Variants in TRAPPC9 observed in about 807,000 individuals in gnomAD.
TRAPPC9 encodes trafficking protein particle complex subunit 9, also known as IKK2 binding protein.
A neutral mutation model predicts 124.0 loss-of-function variants in TRAPPC9; 83 were observed. The observed-to-expected ratio is 0.67, with a 90% confidence interval of 0.56 to 0.80. The LOEUF is 0.80. TRAPPC9 is among the 30% of genes least tolerant of loss of function. The pLI, the probability that TRAPPC9 is intolerant of heterozygous loss-of-function variation, is 0.00. For missense variants in TRAPPC9, 1,302 were observed against 1,508.3 expected, an observed-to-expected ratio of 0.86 and a Z score of 2.27; for synonymous variants, 638 against 617.5, an observed-to-expected ratio of 1.03 and a Z score of -0.49.
At chr8:139,751,320 C>A (rs571441494) in intron 21 of TRAPPC9, among the ~76,000 whole-genome samples, 2 of 152,154 alleles carry the variant, frequency 1.3e-5, no homozygotes, top group Admixed American at 6.5e-5. Context: ...AGGGGCCAGG[C>A]CCACAGCACC....
At chr8:139,979,639 C>A (rs1378822124) in intron 19 of TRAPPC9, among the ~76,000 whole-genome samples, 2 of 152,124 alleles carry the variant, frequency 1.3e-5, no homozygotes, top group African/African-American at 2.4e-5. Context: ...AGTCTACGAA[C>A]CTCTAGTACA....
intron 10 of TRAPPC9, among the ~76,000 whole-genome samples, chr8:140,307,429 T>C (rs965236353): frequency 3.9e-5 from 6 of 152,198 alleles, no homozygotes; most frequent in Non-Finnish European, 5.9e-5. Flanking sequence ...TACAAAATAT[T>C]CTAAGGGATC....
rs949630626 is a variant in TRAPPC9, at chr8:140,190,671, A to G, written c.2556+30788T>C. Among the ~76,000 whole-genome samples the G allele has an allele frequency of 5.3e-5, 8 of 152,290 alleles. No individual in the cohort carries two copies. In the South Asian group the frequency reaches 1.7e-3, roughly 32 times the overall value. On this transcript the variant is annotated intron_variant, in intron 17 of 22. Transcript: ENST00000438773. Reference sequence around the variant, plus strand: ...AGGCTGCAAAGAGAAAGAGGCAAAAAGCTGTGCGGAAGAACAAACTGCTAG... The same window carrying G: ...AGGCTGCAAAGAGAAAGAGGCAAAAGGCTGTGCGGAAGAACAAACTGCTAG...
chr8:139,972,472 T>G (rs1191940931), intron 19 of TRAPPC9, among the ~76,000 whole-genome samples: 1 of 152,192 alleles, frequency 6.6e-6, no homozygotes, highest in Non-Finnish European at 1.5e-5. Flanking sequence ...CTCTGCATCC[T>G]TGCAAATGTG....
In TRAPPC9 at chr8:140,351,884, T is replaced by G. The variant is rs2067591742; in HGVS notation, c.1495+8166A>C. 3.3e-5 allele frequency among the ~76,000 whole-genome samples: 5 copies of G among 152,292 alleles called. No homozygotes were observed. The South Asian group carries it at 1.0e-3, about 32-fold the overall frequency. On this transcript the variant is annotated intron_variant, in intron 9 of 22. Transcript: ENST00000438773. Reference sequence around the variant, plus strand: ...CTTTTGTAACAGCTTTGTTGAGATATAATTCACATAGCAGTTGGCCCATTA... The same window carrying G: ...CTTTTGTAACAGCTTTGTTGAGATAGAATTCACATAGCAGTTGGCCCATTA...
chr8:140,362,210 G>C (rs2067974947), intron 8 of TRAPPC9, among the ~76,000 whole-genome samples: 1 of 152,230 alleles, frequency 6.6e-6, no homozygotes, highest in Admixed American at 6.5e-5. Context: ...TGCCTGGCAG[G>C]GTGCCTGATA....
At chr8:140,164,580 T>G (rs2061801856) in intron 17 of TRAPPC9, among the ~76,000 whole-genome samples, 2 of 152,208 alleles carry the variant, frequency 1.3e-5, no homozygotes, top group Admixed American at 1.3e-4. Flanking sequence ...CTGCTGACAT[T>G]CTGTGGCTGT....
chr8:140,163,246 T>C (rs1255168642), intron 17 of TRAPPC9, among the ~76,000 whole-genome samples: 1 of 152,140 alleles, frequency 6.6e-6, no homozygotes, highest in Non-Finnish European at 1.5e-5. Context: ...GCACAGCAGC[T>C]TGGTCTGCCT....
chr8:139,781,752 G>A (rs1449800822), intron 21 of TRAPPC9, among the ~76,000 whole-genome samples: 3 of 152,070 alleles, frequency 2.0e-5, no homozygotes, highest in Non-Finnish European at 4.4e-5. Context: ...GGAGGGAGGG[G>A]TATATGGGAA....
chr8:140,073,654 G>A (rs1020880575), intron 17 of TRAPPC9, among the ~76,000 whole-genome samples: 1 of 152,230 alleles, frequency 6.6e-6, no homozygotes, highest in Non-Finnish European at 1.5e-5. Flanking sequence ...GTTAAGATGT[G>A]TGTGTTTAAA....
chr8:140,201,888 G>C (rs1204204697), intron 17 of TRAPPC9, among the ~76,000 whole-genome samples: 1 of 152,096 alleles, frequency 6.6e-6, no homozygotes, highest in Non-Finnish European at 1.5e-5. Flanking sequence ...GAGGGAGCGA[G>C]AAGGCTCAGC....
At chr8:139,938,598 G>A (rs1342689716) in intron 19 of TRAPPC9, among the ~76,000 whole-genome samples, 3 of 148,612 alleles carry the variant, frequency 2.0e-5, no homozygotes, top group Non-Finnish European at 4.5e-5. Flanking sequence ...AACAGTCTAT[G>A]TTAAATGTGC....
intron 6 of TRAPPC9, among the ~76,000 whole-genome samples, chr8:140,398,762 A>C (rs560841798): frequency 3.7e-4 from 56 of 152,358 alleles, no homozygotes; most frequent in African/African-American, 1.3e-3. Context: ...TAGAAAAGAA[A>C]ATCAGATTTT....
intron 17 of TRAPPC9, among the ~76,000 whole-genome samples, chr8:140,197,436 G>A (rs879398205): frequency 6.6e-6 from 1 of 152,022 alleles, no homozygotes; most frequent in Non-Finnish European, 1.5e-5. Context: ...AGAGCAGCAC[G>A]GTGACTTTCC....
intron 19 of TRAPPC9, among the ~76,000 whole-genome samples, 182 bp downstream of exon 19, chr8:139,988,544 T>A (rs180864206): frequency 3.2e-4 from 48 of 152,168 alleles, no homozygotes; most frequent in Non-Finnish European, 6.5e-4. Flanking sequence ...TGCACTTAGC[T>A]CTAATTTAAA....
chr8:140,292,635 A>C (rs1032394064), intron 11 of TRAPPC9, among the ~76,000 whole-genome samples: 3 of 152,126 alleles, frequency 2.0e-5, no homozygotes, highest in African/African-American at 7.2e-5. Flanking sequence ...TATTTAATAA[A>C]TGGTGCTGGG....
intron 9 of TRAPPC9, among the ~76,000 whole-genome samples, chr8:140,349,726 C>G (rs866295955): frequency 6.6e-6 from 1 of 152,160 alleles, no homozygotes; most frequent in African/African-American, 2.4e-5. Context: ...CCAGGCCTGG[C>G]GAAGTCAACA....
intron 21 of TRAPPC9, among the ~76,000 whole-genome samples, chr8:139,806,496 A>C (rs1363913111): frequency 1.3e-5 from 2 of 152,230 alleles, no homozygotes; most frequent in Non-Finnish European, 2.9e-5. Context: ...AATATGTAGC[A>C]GCAGCAACAG....
intron 5 of TRAPPC9, among the ~76,000 whole-genome samples, chr8:140,419,497 C>G (rs911120202): frequency 2.0e-5 from 3 of 150,682 alleles, no homozygotes; most frequent in African/African-American, 7.3e-5. Context: ...TGTTCTCAAC[C>G]TGATAAAGGG....
Sources: allele counts gnomAD v4.1 joint callset (sites outside exome capture counted in the v4.1 genomes callset), GRCh38; gene constraint gnomAD v4.1.1; transcripts MANE v1.5; gene names NCBI Gene and HGNC (gene_info 2026-07-23, HGNC 2026-07-21).